The following TMPO variants were observed in gnomAD, a reference collection of about 807,000 sequenced individuals.
The protein encoded by TMPO is LEM domain containing 4.
A neutral mutation model predicts 45.4 loss-of-function variants in TMPO; 22 were observed. The ratio of observed to expected loss-of-function variants is 0.48; its 90% CI spans 0.35 to 0.69. TMPO has a LOEUF of 0.69. Ranked by LOEUF, TMPO falls within the 30% of genes least tolerant of loss-of-function variation. The pLI is 0.01. For missense variants in TMPO, 512 were observed against 548.8 expected, an observed-to-expected ratio of 0.93 and a Z score of 0.67; for synonymous variants, 241 against 204.1, an observed-to-expected ratio of 1.18 and a Z score of -1.54.
At chr12:98,516,825 T>G (rs1174661050) in intron 1 of TMPO, among the ~76,000 whole-genome samples, 2 of 152,218 alleles carry the variant, frequency 1.3e-5, no homozygotes, top group Non-Finnish European at 2.9e-5. Context: ...TATTTATTTT[T>G]TTAGATGGAG....
At chr12:98,517,564 C>G (rs566947742) in intron 1 of TMPO, among the ~76,000 whole-genome samples, 111 of 152,306 alleles carry the variant, frequency 7.3e-4, no homozygotes, top group Non-Finnish European at 1.4e-3. Context: ...TTCCCGGCTA[C>G]TCAGGCAGAA....
chr12:98,533,067 A>C, intron 3 of TMPO: 1 of 1,613,798 alleles, frequency 6.2e-7, no homozygotes, highest in Non-Finnish European at 8.5e-7. Context: ...TGCAGAAGTT[A>C]GCCTCTGAAA....
chr12:98,515,863 C>G lies in TMPO; in HGVS notation c.-5C>G, dbSNP rs1172250005. On this transcript the variant is annotated 5_prime_UTR_variant, in exon 1 of 9. Transcript: ENST00000556029. ...TGTGGGGAGGGGGCTTCGCAGATCCCCGAGATGCCGGAGTTCCTGGAAGAC... is the reference window on the plus strand; with the variant it reads ...TGTGGGGAGGGGGCTTCGCAGATCCGCGAGATGCCGGAGTTCCTGGAAGAC... 1 of 1,611,790 alleles carries G rather than the reference C, an allele frequency of 6.2e-7. No individual in the cohort carries two copies. The highest frequency in any genetic ancestry group is 8.5e-7 in the Non-Finnish European group (1 of 1,179,050).
chr12:98,545,128 T>TG (rs1555205139), intron 7 of TMPO, 67 bp downstream of exon 7: 2 of 1,183,606 alleles, frequency 1.7e-6, no homozygotes, highest in Middle Eastern at 1.9e-4. Context: ...AATATTTGTT[T>TG]GTTTTTTTTT....
intron 1 of TMPO, chr12:98,516,464 G>T: frequency 1.8e-6 from 2 of 1,134,868 alleles, no homozygotes; most frequent in Non-Finnish European, 2.2e-6. Flanking sequence ...CGTTTAGACG[G>T]GGACTTCCGT....
rs758869949 is a variant in TMPO at position 98,537,520 on chromosome 12, G to T, written c.611G>T (p.Gly204Val). 6.2e-7 allele frequency: 1 copy of T among 1,613,522 alleles called. No homozygotes were observed. Among genetic ancestry groups the T allele is most frequent in the East Asian group, 2.2e-5 (1 of 44,866 alleles). Residue 204 changes from glycine to valine, a missense_variant, in exon 4 of 9, where the codon GGC becomes GTC. Gly to Val is a moderately radical substitution (Grantham distance 109). Around this residue, in one of 3 missense-constraint regions of TMPO, gnomAD observed 299 missense variants for 296.7 expected, o/e 1.01. Transcript: ENST00000556029. ...CTTGAGAAGAGAGAACCACTAAAGG[G>T]CAGAGCAAAGACTCCAGTAACACTC... is the stretch of plus-strand genomic sequence containing the variant. ...LKLEKREPLKGRAKTPVTLKQ... is the reference protein window; with the variant it reads ...LKLEKREPLKVRAKTPVTLKQ...
chr12:98,528,337 C>T (rs745601721), intron 2 of TMPO, among the ~76,000 whole-genome samples: 1 of 149,996 alleles, frequency 6.7e-6, no homozygotes, highest in Non-Finnish European at 1.5e-5. Flanking sequence ...AGTGCAGTGA[C>T]GCGATCTCGG....
At chr12:98,541,023 G>T (rs994098202) in intron 4 of TMPO, among the ~76,000 whole-genome samples, 1 of 151,224 alleles carries the variant, frequency 6.6e-6, no homozygotes, top group Non-Finnish European at 1.5e-5. Flanking sequence ...TTGAATTTAT[G>T]ATCAGTTACA....
intron 3 of TMPO, chr12:98,535,262 C>G (rs566359893): frequency 3.1e-6 from 3 of 982,732 alleles, no homozygotes; most frequent in South Asian, 9.4e-5. Context: ...AATATAGACT[C>G]TAAAAGCAAA....
intron 1 of TMPO, among the ~76,000 whole-genome samples, chr12:98,518,310 T>A (rs1207802640): frequency 1.3e-4 from 20 of 152,062 alleles, no homozygotes; most frequent in Admixed American, 1.3e-3. Flanking sequence ...TTATTATTTT[T>A]AGGCGGGATC....
intron 4 of TMPO, among the ~76,000 whole-genome samples, chr12:98,538,476 C>G (rs1293455906): frequency 2.0e-5 from 3 of 152,120 alleles, no homozygotes; most frequent in Admixed American, 6.5e-5. Flanking sequence ...CCTCAGCCTC[C>G]CAAGTAGCTG....
chr12:98,523,860 G>T (rs1876564207), intron 1 of TMPO, among the ~76,000 whole-genome samples: 1 of 151,996 alleles, frequency 6.6e-6, no homozygotes, highest in Non-Finnish European at 1.5e-5. Context: ...ATTTTTAGTA[G>T]AGATGGGGTT....
At chr12:98,526,945 A>C (rs1404203173) in intron 1 of TMPO, among the ~76,000 whole-genome samples, 1 of 150,662 alleles carries the variant, frequency 6.6e-6, no homozygotes, top group Non-Finnish European at 1.5e-5. Context: ...CAACAGAGCG[A>C]GACTCCACCT....
chr12:98,539,580 T>C (rs748883288), intron 4 of TMPO, among the ~76,000 whole-genome samples: 1 of 151,016 alleles, frequency 6.6e-6, no homozygotes, highest in Non-Finnish European at 1.5e-5. Context: ...TTCAAGCAGT[T>C]CTCCTGCTTC....
intron 3 of TMPO, among the ~76,000 whole-genome samples, chr12:98,537,077 A>G (rs562930721): frequency 6.6e-6 from 1 of 152,308 alleles, no homozygotes; most frequent in African/African-American, 2.4e-5. Flanking sequence ...GCTGTACAGT[A>G]GTAGTATACT....
intron 2 of TMPO, 85 bp from the exon 3 acceptor site, chr12:98,531,595 G>T: frequency 7.2e-7 from 1 of 1,394,970 alleles, no homozygotes; most frequent in Non-Finnish European, 1.0e-6. Context: ...GGTGAAAATA[G>T]CTTAAAATGT....
chr12:98,519,097 T>G (rs1356303592), intron 1 of TMPO, among the ~76,000 whole-genome samples: 2 of 152,122 alleles, frequency 1.3e-5, no homozygotes, highest in Non-Finnish European at 2.9e-5. Flanking sequence ...TTAGCCAGGA[T>G]GGCCTCGATC....
At chr12:98,537,347 G>A (rs111750771) in intron 3 of TMPO, 128 bp from the exon 4 acceptor site, 50 of 698,372 alleles carry the variant, frequency 7.2e-5, no homozygotes, top group African/African-American at 6.6e-4. Flanking sequence ...GACTAGTGAG[G>A]TATTACCAGT....
At chr12:98,520,826 C>A (rs1357736175) in intron 1 of TMPO, among the ~76,000 whole-genome samples, 1 of 152,066 alleles carries the variant, frequency 6.6e-6, no homozygotes, top group Non-Finnish European at 1.5e-5. Context: ...CCCGCCTCGG[C>A]CTCCCAGAGT....
Sources: gnomAD v4.1 joint callset for allele counts (sites outside exome capture counted in the v4.1 genomes callset) on GRCh38, gnomAD v4.1.1 for gene constraint, gnomAD v4.1.1 regional missense constraint, MANE v1.5 for transcripts, NCBI Gene and HGNC (gene_info 2026-07-23, HGNC 2026-07-21) for gene names.